The following GSAP variants were observed in gnomAD, a reference collection of about 807,000 sequenced individuals.
GSAP encodes gamma-secretase-activating protein.
A neutral mutation model predicts 131.7 loss-of-function variants in GSAP; 118 were observed. The observed-to-expected ratio is 0.90, with a 90% confidence interval of 0.77 to 1.04. GSAP has a LOEUF of 1.04. Ranked by LOEUF, GSAP falls within the 50% of genes least tolerant of loss-of-function variation. The probability of loss-of-function intolerance (pLI) is 0.00; values close to 1 mark genes in which losing one functional copy is unlikely to be tolerated. For synonymous variants in GSAP, 381 were observed against 363.4 expected, an observed-to-expected ratio of 1.05 and a Z score of -0.55; for missense variants, 1,019 against 1,013.2, an observed-to-expected ratio of 1.01 and a Z score of -0.08.
intron 12 of GSAP, among the ~76,000 whole-genome samples, chr7:77,369,195 G>T (rs994897940): frequency 1.3e-5 from 2 of 152,160 alleles, no homozygotes; most frequent in African/African-American, 4.8e-5. Context: ...GCACAAGAAA[G>T]AATTACAGCC....
intron 12 of GSAP, among the ~76,000 whole-genome samples, chr7:77,373,742 C>T (rs1379907105): frequency 6.6e-6 from 1 of 152,180 alleles, no homozygotes; most frequent in Non-Finnish European, 1.5e-5. Flanking sequence ...ACACAGAAAG[C>T]ACAGCCATCG....
At chr7:77,343,281 C>T (rs1584374797) in intron 19 of GSAP, among the ~76,000 whole-genome samples, 1 of 152,198 alleles carries the variant, frequency 6.6e-6, no homozygotes, top group East Asian at 1.9e-4. Flanking sequence ...CTTCCTCACA[C>T]CTGACGCATA....
chr7:77,356,142 G>C (rs1218233141), intron 14 of GSAP, among the ~76,000 whole-genome samples: 1 of 152,092 alleles, frequency 6.6e-6, no homozygotes, highest in Non-Finnish European at 1.5e-5. Flanking sequence ...CAAATGCTGG[G>C]ATTACAAGCA....
intron 3 of GSAP, among the ~76,000 whole-genome samples, chr7:77,401,167 G>GA (rs373185756): frequency 1.0e-3 from 152 of 151,978 alleles, no homozygotes; most frequent in African/African-American, 3.3e-3. Flanking sequence ...GGAACTTTAA[G>GA]AAAAAATACT....
intron 26 of GSAP, among the ~76,000 whole-genome samples, chr7:77,319,618 T>C (rs1427798078): frequency 6.6e-6 from 1 of 152,220 alleles, no homozygotes; most frequent in East Asian, 1.9e-4. Context: ...TCACAACATA[T>C]TCACAATAGC....
At chr7:77,404,861 C>T (rs1801980426) in intron 2 of GSAP, among the ~76,000 whole-genome samples, 3 of 152,102 alleles carry the variant, frequency 2.0e-5, no homozygotes, top group South Asian at 2.1e-4. Flanking sequence ...GCATGGTGGG[C>T]GTAAATCTTT....
At chr7:77,323,064 ACT>A (rs1262678097) in intron 24 of GSAP, among the ~76,000 whole-genome samples, 19 of 152,268 alleles carry the variant, frequency 1.2e-4, no homozygotes, top group African/African-American at 4.3e-4. Flanking sequence ...TCAGGCCTCA[ACT>A]CTCTATGCTT....
At chr7:77,347,296 T>C (rs1427793861) in intron 19 of GSAP, among the ~76,000 whole-genome samples, 1 of 152,164 alleles carries the variant, frequency 6.6e-6, no homozygotes. Context: ...TTAAAGACAG[T>C]TGGTCAGAAG....
At chr7:77,323,462 G>A (rs371009727) in intron 24 of GSAP, among the ~76,000 whole-genome samples, 185 bp downstream of exon 24, 30 of 152,146 alleles carry the variant, frequency 2.0e-4, no homozygotes, top group African/African-American at 7.0e-4. Flanking sequence ...CAAACCAAAT[G>A]CTCTTTGTTT....
chr7:77,392,758 T>A (rs17152715), intron 5 of GSAP, among the ~76,000 whole-genome samples: 12,003 of 152,220 alleles, frequency 0.079, 522 homozygotes, highest in Middle Eastern at 0.11. Context: ...CAATATGGCC[T>A]GGTTCTGAAG....
intron 4 of GSAP, 49 bp downstream of exon 4, chr7:77,397,297 G>A (rs370193355): frequency 9.2e-6 from 10 of 1,088,912 alleles, no homozygotes; most frequent in African/African-American, 3.2e-5. Context: ...TGAAACTCTT[G>A]AAAGATGTAG....
At chr7:77,328,677 C>A in intron 21 of GSAP, 40 bp from the exon 22 acceptor site, 3 of 1,281,768 alleles carry the variant, frequency 2.3e-6, no homozygotes, top group South Asian at 1.2e-5. Flanking sequence ...GACAGCATTG[C>A]TTTTAAAAAA....
chr7:77,360,781 A>G, intron 14 of GSAP, 43 bp downstream of exon 14: 1 of 1,018,386 alleles, frequency 9.8e-7, no homozygotes, highest in South Asian at 1.3e-5. Context: ...CATGCCTAGG[A>G]ACAAGTGTTC....
intron 5 of GSAP, among the ~76,000 whole-genome samples, chr7:77,389,599 C>A (rs1230242510): frequency 1.3e-5 from 2 of 152,114 alleles, no homozygotes; most frequent in Non-Finnish European, 2.9e-5. Flanking sequence ...CATGTCCCTA[C>A]AAAGGACATG....
intron 19 of GSAP, among the ~76,000 whole-genome samples, chr7:77,333,558 G>A (rs1789491687): frequency 6.6e-6 from 1 of 152,158 alleles, no homozygotes; most frequent in Non-Finnish European, 1.5e-5. Flanking sequence ...TGACAACAGT[G>A]AGCATGTTCA....
At chr7:77,375,882 T>C (rs535457681) in intron 10 of GSAP, among the ~76,000 whole-genome samples, 7 of 151,944 alleles carry the variant, frequency 4.6e-5, no homozygotes, top group African/African-American at 1.7e-4. Context: ...AACCACCATA[T>C]TGTTCATCAC....
intron 22 of GSAP, 107 bp from the exon 23 acceptor site, chr7:77,326,380 A>G (rs1302972471): frequency 4.4e-5 from 31 of 711,202 alleles, no homozygotes; most frequent in Non-Finnish European, 6.0e-5. Flanking sequence ...TTGAGAAAAC[A>G]TAACACAGGA....
chr7:77,368,363 C>G (rs1795616684), intron 12 of GSAP, among the ~76,000 whole-genome samples: 1 of 152,186 alleles, frequency 6.6e-6, no homozygotes, highest in Non-Finnish European at 1.5e-5. Flanking sequence ...TGCTTCTAAT[C>G]AGCCCTGGAT....
chr7:77,320,690 T>G lies in GSAP; in HGVS notation c.2089+35A>C, dbSNP rs575117702. On this transcript the variant is annotated intron_variant, in intron 26 of 30. Coordinates refer to ENST00000257626, the MANE Select transcript of GSAP (RefSeq NM_017439.4). ...GGGCCCATATGAAGAAGAAATAAAT[T>G]TATTATACCAAAGGACAAAAGAGCC... 2.3e-5 allele frequency: 28 copies of G among 1,211,282 alleles called. No individual in the cohort carries two copies. In the African/African-American group the frequency reaches 4.0e-4, roughly 18 times the overall value. The allele number at this position is 1,211,282 out of a possible 1,614,324, so 75.0% of individuals were successfully genotyped here.
Sources: gnomAD v4.1 joint callset for allele counts (sites outside exome capture counted in the v4.1 genomes callset) on GRCh38, gnomAD v4.1.1 for gene constraint, MANE v1.5 for transcripts, NCBI Gene and HGNC (gene_info 2026-07-23, HGNC 2026-07-21) for gene names.